SLC12A9: variants seen among roughly 807,000 people sequenced by gnomAD.
SLC12A9 encodes CCC-interacting protein 1.
A neutral mutation model predicts 66.0 loss-of-function variants in SLC12A9; 55 were observed. The ratio of observed to expected loss-of-function variants is 0.83; its 90% CI spans 0.67 to 1.04. The LOEUF (loss-of-function observed/expected upper bound fraction) is 1.04. Ranked by LOEUF, SLC12A9 falls within the 50% of genes least tolerant of loss-of-function variation. The pLI, the probability that SLC12A9 is intolerant of heterozygous loss-of-function variation, is 0.00. For synonymous variants in SLC12A9, 577 were observed against 569.0 expected (o/e 1.01, Z -0.20); for missense variants, 1,061 against 1,241.9 (o/e 0.85, Z 2.19).
intron 1 of SLC12A9, chr7:100,853,188 T>C (rs1216054764): frequency 1.3e-5 from 2 of 151,900 alleles, no homozygotes; most frequent in African/African-American, 4.8e-5. Flanking sequence ...GGTGCGGTGA[T>C]TGCATTGGGG....
At position 100,854,165 on chromosome 7, in the gene SLC12A9, C is replaced by A. The variant is rs766781880; in HGVS notation, c.-33C>A. The A allele has an allele frequency of 7.2e-6, 11 of 1,524,520 alleles. No individual in the cohort carries two copies. In the South Asian group the frequency reaches 1.5e-4, roughly 21 times the overall value. 94.4% of individuals were successfully genotyped at this position (1,524,520 alleles called of 1,614,324 possible). On this transcript the variant is annotated 5_prime_UTR_variant, in exon 2 of 14. Coordinates refer to ENST00000354161, the MANE Select transcript of SLC12A9 (RefSeq NM_020246.4). ...ATAATCTCCTTTGCAGGTCACCTAA[C>A]CCATTTGTGGCTTCCTCTACCTGTG... is the stretch of plus-strand genomic sequence containing the variant.
At chr7:100,829,370 G>A (rs1813497900) in intron 1 of SLC12A9, among the ~76,000 whole-genome samples, 1 of 152,196 alleles carries the variant, frequency 6.6e-6, no homozygotes, top group African/African-American at 2.4e-5. Context: ...TGCTTGGGGG[G>A]CTGCCAAGCG....
intron 1 of SLC12A9, among the ~76,000 whole-genome samples, chr7:100,846,885 T>C (rs1329813077): frequency 6.6e-6 from 1 of 152,212 alleles, no homozygotes; most frequent in Non-Finnish European, 1.5e-5. Flanking sequence ...TAATCGGTTA[T>C]GTTATCTATA....
chr7:100,863,003 TAGG>T (rs1419019475), intron 13 of SLC12A9, among the ~76,000 whole-genome samples, 176 bp downstream of exon 13: 5 of 151,856 alleles, frequency 3.3e-5, no homozygotes, highest in African/African-American at 1.2e-4. Flanking sequence ...TAAGGTCTAA[TAGG>T]AGATGCTAGG....
At chr7:100,850,190 T>C (rs1190235708), upstream of SLC12A9, among the ~76,000 whole-genome samples, 9 of 145,730 alleles carry the variant, frequency 6.2e-5, no homozygotes, top group Non-Finnish European at 1.4e-4. Context: ...TTTCCCTCCC[T>C]CCCTTCTTTC....
At chr7:100,836,650 C>A (rs1813664687) in intron 1 of SLC12A9, among the ~76,000 whole-genome samples, 1 of 152,162 alleles carries the variant, frequency 6.6e-6, no homozygotes, top group South Asian at 2.1e-4. Flanking sequence ...CATCCCTCCC[C>A]TCGGCTCACT....
chr7:100,826,931 GA>G, exon 1 of SLC12A9: 2 of 1,535,212 alleles, frequency 1.3e-6, no homozygotes, highest in South Asian at 2.4e-5. Context: ...TGTTGGGGGG[GA>G]GGTCCCAGGA....
upstream of SLC12A9, among the ~76,000 whole-genome samples, chr7:100,850,437 T>C (rs1235796679): frequency 6.7e-6 from 1 of 149,552 alleles, no homozygotes; most frequent in African/African-American, 2.5e-5. Flanking sequence ...GACAGTGTCT[T>C]CTGTGTTGCC....
intron 13 of SLC12A9, among the ~76,000 whole-genome samples, chr7:100,864,142 A>G (rs955910560): frequency 4.0e-5 from 6 of 148,718 alleles, no homozygotes; most frequent in Non-Finnish European, 8.9e-5. Flanking sequence ...GCAGTGGCAC[A>G]ATGTCAGCTC....
rs141919245 is a variant in SLC12A9, at chr7:100,826,955, G to GCCCC, written n.142_145dup. ...GGAGGTCCCAGGAGTGACGGGGTGCGCCCCCCCCCGCAAGGAAACTCACCT... is the reference window on the plus strand; with the variant it reads ...GGAGGTCCCAGGAGTGACGGGGTGCGCCCCCCCCCCCCCGCAAGGAAACTCACCT... On this transcript the variant is annotated non_coding_transcript_exon_variant, in exon 1 of 2. Transcript: ENST00000461016. 8.1e-6 allele frequency: 12 copies of GCCCC among 1,485,818 alleles called. No homozygotes were observed. The African/African-American group carries it at 1.0e-4, about 13-fold the overall frequency. 92.0% of individuals were successfully genotyped at this position (1,485,818 alleles called of 1,614,324 possible). A position where few individuals can be genotyped will look rare whatever the true frequency, so the allele number is the denominator to read the frequency against.
chr7:100,857,458 A>G, intron 5 of SLC12A9: 2 of 480,154 alleles, frequency 4.2e-6, no homozygotes, highest in Non-Finnish European at 7.6e-6. Flanking sequence ...ATGGCCCAGC[A>G]TGACTTAAAC....
chr7:100,842,258 CT>C (rs1288172600), intron 1 of SLC12A9, among the ~76,000 whole-genome samples: 4 of 152,200 alleles, frequency 2.6e-5, no homozygotes, highest in African/African-American at 9.7e-5. Flanking sequence ...TTCTATTACT[CT>C]TTCTTCTTTC....
intron 9 of SLC12A9, 95 bp downstream of exon 9, chr7:100,860,327 C>A: frequency 7.7e-7 from 1 of 1,294,850 alleles, no homozygotes; most frequent in Non-Finnish European, 1.1e-6. Context: ...AATGTAAAGA[C>A]AAATGCGTAT....
At chr7:100,833,927 T>A (rs1449961130) in intron 1 of SLC12A9, among the ~76,000 whole-genome samples, 3 of 100,318 alleles carry the variant, frequency 3.0e-5, no homozygotes, top group African/African-American at 4.5e-5. Context: ...AGCGAGACTC[T>A]GTCTCAAAAA....
chr7:100,856,990 C>T lies in SLC12A9; in HGVS notation c.571C>T (p.Arg191Trp), dbSNP rs747097215. ...VCTLGAGLYA[R>W]ASFLTFLLVS... ...CACCCTGGGAGCCGGCCTCTATGCC[C>T]GGGCCTCATTCCTCACATTCCTGCT... The change falls in exon 5 of 14, where the codon CGG becomes TGG. Residue 191 changes from arginine to tryptophan, a missense_variant. Physicochemically the swap from Arg to Trp is moderately radical, Grantham distance 101 (BLOSUM62 -3). Coordinates refer to ENST00000354161, the MANE Select transcript of SLC12A9 (RefSeq NM_020246.4). 1.4e-5 allele frequency: 22 copies of T among 1,614,014 alleles called. 1 individual carries two copies. Among genetic ancestry groups the T allele is most frequent in the South Asian group, 1.2e-4 (11 of 91,090 alleles).
intron 1 of SLC12A9, among the ~76,000 whole-genome samples, chr7:100,844,563 G>C (rs1201478941): frequency 3.3e-5 from 5 of 152,140 alleles, no homozygotes; most frequent in Admixed American, 2.6e-4. Context: ...AATTAGGACT[G>C]TGTGGAAATA....
intron 1 of SLC12A9, among the ~76,000 whole-genome samples, chr7:100,830,384 C>G (rs1252955747): frequency 6.6e-6 from 1 of 151,856 alleles, no homozygotes; most frequent in Non-Finnish European, 1.5e-5. Context: ...ATAGAAAACA[C>G]TCATCTTAGT....
chr7:100,857,349 C>A, intron 5 of SLC12A9, 173 bp downstream of exon 5: 1 of 748,810 alleles, frequency 1.3e-6, no homozygotes, highest in Non-Finnish European at 2.1e-6. Context: ...GCTTGGCCGG[C>A]AGGGCAGGAG....
intron 1 of SLC12A9, among the ~76,000 whole-genome samples, chr7:100,828,339 G>C (rs1260108315): frequency 6.6e-6 from 1 of 151,872 alleles, no homozygotes; most frequent in Non-Finnish European, 1.5e-5. Flanking sequence ...AGGAGTTCAA[G>C]ACCAGCCTGG....
Sources: allele counts gnomAD v4.1 joint callset (sites outside exome capture counted in the v4.1 genomes callset), GRCh38; gene constraint gnomAD v4.1.1; transcripts MANE v1.5; gene names NCBI Gene and HGNC (gene_info 2026-07-23, HGNC 2026-07-21).